LRRTM4: variants seen among roughly 807,000 people sequenced by gnomAD.
LRRTM4 encodes the protein leucine rich repeat transmembrane neuronal 4.
In LRRTM4, 25 loss-of-function variants were observed where a neutral mutation model predicts 47.6. The observed-to-expected ratio is 0.53, with a 90% confidence interval of 0.38 to 0.73. The LOEUF (loss-of-function observed/expected upper bound fraction) is 0.73. Among genes scored for constraint, LRRTM4 ranks in the 30% least tolerant of loss-of-function variants. The pLI is 0.00. For missense variants in LRRTM4, 638 were observed against 713.4 expected, an observed-to-expected ratio of 0.89 and a Z score of 1.20; for synonymous variants, 311 against 269.5, an observed-to-expected ratio of 1.15 and a Z score of -1.51.
At chr2:77,037,024 A>G (rs1284069796) in intron 3 of LRRTM4, among the ~76,000 whole-genome samples, 1 of 151,614 alleles carries the variant, frequency 6.6e-6, no homozygotes, top group East Asian at 1.9e-4. Flanking sequence ...TTGTTTAGCA[A>G]TTCCCTAGCT....
At chr2:77,396,063 G>A (rs543519286) in intron 3 of LRRTM4, among the ~76,000 whole-genome samples, 8 of 151,818 alleles carry the variant, frequency 5.3e-5, no homozygotes, top group African/African-American at 1.2e-4. Context: ...TTTAAAGCAG[G>A]ATCTTGTTCT....
At chr2:76,992,840 A>AAAAAAAAAAAG (rs70939839) in intron 3 of LRRTM4, among the ~76,000 whole-genome samples, 1 of 146,400 alleles carries the variant, frequency 6.8e-6, no homozygotes. Context: ...AAAAAAAAAA[A>AAAAAAAAAAAG]GCTGGGTGTA....
intron 3 of LRRTM4, among the ~76,000 whole-genome samples, chr2:77,055,108 T>G (rs368897159): frequency 1.3e-5 from 2 of 152,262 alleles, no homozygotes; most frequent in African/African-American, 4.8e-5. Flanking sequence ...CTCCGCTACT[T>G]AGAGTTACCA....
intron 3 of LRRTM4, among the ~76,000 whole-genome samples, chr2:77,155,710 T>A (rs1319822816): frequency 6.6e-6 from 1 of 152,004 alleles, no homozygotes; most frequent in East Asian, 1.9e-4. Context: ...CAGAGAATGT[T>A]GGTTACCAGT....
At chr2:77,030,276 C>CT (rs1553373668) in intron 3 of LRRTM4, among the ~76,000 whole-genome samples, 1 of 151,526 alleles carries the variant, frequency 6.6e-6, no homozygotes, top group Non-Finnish European at 1.5e-5. Flanking sequence ...ACTAAAAATA[C>CT]AAAAAAAATT....
Position 76,748,493 on chromosome 2 carries a change from AG to A in LRRTM4, c.*201del. On this transcript the variant is annotated 3_prime_UTR_variant, in exon 4 of 4. Coordinates refer to ENST00000409884, the MANE Select transcript of LRRTM4 (RefSeq NM_001134745.3). Reference sequence around the variant, plus strand: ...TGTTTTAAAGCAAAGAAAGTTCTGCAGTCCTCCCGGTAATGCTGCAGGTGCA... The same window carrying A: ...TGTTTTAAAGCAAAGAAAGTTCTGCATCCTCCCGGTAATGCTGCAGGTGCA... The A allele has an allele frequency of 1.7e-6, 1 of 580,868 alleles. No homozygotes were observed. Among genetic ancestry groups the A allele is most frequent in the Non-Finnish European group, 3.1e-6 (1 of 327,456 alleles). The allele number at this position is 580,868 out of a possible 1,614,324, so 36.0% of individuals were successfully genotyped here.
At chr2:77,352,480 T>C (rs1671820978) in intron 3 of LRRTM4, among the ~76,000 whole-genome samples, 1 of 152,108 alleles carries the variant, frequency 6.6e-6, no homozygotes, top group Admixed American at 6.5e-5. Flanking sequence ...ATTTTATACA[T>C]GGCCCACCTT....
At chr2:76,884,158 A>C (rs1482975911) in intron 3 of LRRTM4, among the ~76,000 whole-genome samples, 1 of 152,122 alleles carries the variant, frequency 6.6e-6, no homozygotes, top group Non-Finnish European at 1.5e-5. Context: ...AGCATTTTGT[A>C]ACAAGCATCA....
In LRRTM4 at chr2:76,748,694, G is replaced by C; in HGVS notation, c.*1C>G. The C allele has an allele frequency of 6.2e-7, 1 of 1,611,084 alleles. No homozygotes were observed. Among genetic ancestry groups the C allele is most frequent in the Non-Finnish European group, 8.5e-7 (1 of 1,178,912 alleles). ...TCCCCAGTGAGGAGTTGGCTTCAGC[G>C]TTAGTTTGCAATTCTCTCTAGGTAG... On this transcript the variant is annotated 3_prime_UTR_variant, in exon 4 of 4. Transcript: ENST00000409884.
chr2:76,842,481 G>A (rs1490347064), intron 3 of LRRTM4, among the ~76,000 whole-genome samples: 1 of 152,136 alleles, frequency 6.6e-6, no homozygotes, highest in Non-Finnish European at 1.5e-5. Flanking sequence ...AGTCGAAAAT[G>A]CATTTAGCAC....
At chr2:77,321,971 A>C (rs946216760) in intron 3 of LRRTM4, among the ~76,000 whole-genome samples, 2 of 152,174 alleles carry the variant, frequency 1.3e-5, no homozygotes, top group Non-Finnish European at 2.9e-5. Context: ...AGATTATTTC[A>C]AATTGAAATT....
chr2:77,440,108 A>G (rs1230183558), intron 3 of LRRTM4, among the ~76,000 whole-genome samples: 1 of 152,078 alleles, frequency 6.6e-6, no homozygotes, highest in African/African-American at 2.4e-5. Context: ...AGTAGGCCAA[A>G]GAATGTATTA....
At chr2:76,846,339 C>A (rs1318907790) in intron 3 of LRRTM4, among the ~76,000 whole-genome samples, 1 of 152,138 alleles carries the variant, frequency 6.6e-6, no homozygotes, top group African/African-American at 2.4e-5. Context: ...CTTCAAGTTG[C>A]CCTGGTCCCG....
intron 3 of LRRTM4, among the ~76,000 whole-genome samples, chr2:76,782,284 A>G (rs1674439863): frequency 6.6e-6 from 1 of 152,180 alleles, no homozygotes; most frequent in South Asian, 2.1e-4. Context: ...TTATCTTGAA[A>G]TGTCAGGCAA....
intron 3 of LRRTM4, among the ~76,000 whole-genome samples, chr2:77,347,057 A>T (rs2104288212): frequency 6.6e-6 from 1 of 152,290 alleles, no homozygotes. Context: ...GGGTGGCCAA[A>T]GAAGCAAAGA....
chr2:77,292,172 G>T (rs571560237), intron 3 of LRRTM4, among the ~76,000 whole-genome samples: 90 of 150,404 alleles, frequency 6.0e-4, no homozygotes, highest in Middle Eastern at 7.0e-3. Context: ...AGTTAGAATG[G>T]CAATCATTAA....
At chr2:77,152,378 T>C (rs1672452659) in intron 3 of LRRTM4, among the ~76,000 whole-genome samples, 1 of 152,082 alleles carries the variant, frequency 6.6e-6, no homozygotes, top group South Asian at 2.1e-4. Context: ...GCCCAGGCTG[T>C]AGTGTCATGG....
intron 3 of LRRTM4, among the ~76,000 whole-genome samples, chr2:76,801,673 A>G (rs1675694369): frequency 1.3e-5 from 2 of 152,044 alleles, no homozygotes; most frequent in African/African-American, 2.4e-5. Context: ...ATAAAAAAAA[A>G]AGAAAAGTAC....
intron 3 of LRRTM4, among the ~76,000 whole-genome samples, chr2:77,171,091 A>G (rs1673036837): frequency 6.6e-6 from 1 of 151,938 alleles, no homozygotes; most frequent in Middle Eastern, 3.2e-3. Flanking sequence ...CTTACTTACT[A>G]ATGTTGCTAT....
Sources: allele counts gnomAD v4.1 joint callset (sites outside exome capture counted in the v4.1 genomes callset), GRCh38; gene constraint gnomAD v4.1.1; transcripts MANE v1.5; gene names NCBI Gene and HGNC (gene_info 2026-07-23, HGNC 2026-07-21).